CHN2: variants seen among roughly 807,000 people sequenced by gnomAD.
CHN2 encodes the protein chimerin 2.
In CHN2, 35 loss-of-function variants were observed where a neutral mutation model predicts 56.3. The ratio of observed to expected loss-of-function variants is 0.62; its 90% CI spans 0.47 to 0.82. The LOEUF (loss-of-function observed/expected upper bound fraction) is 0.82. Among genes scored for constraint, CHN2 ranks in the 40% least tolerant of loss-of-function variants. CHN2 has a pLI of 0.00. For synonymous variants in CHN2, 210 were observed against 212.8 expected, an observed-to-expected ratio of 0.99 and a Z score of 0.12; for missense variants, 491 against 580.5, an observed-to-expected ratio of 0.85 and a Z score of 1.58.
chr7:29,376,083 C>T (rs750689960), intron 3 of CHN2, among the ~76,000 whole-genome samples: 1 of 152,134 alleles, frequency 6.6e-6, no homozygotes. Flanking sequence ...GAGGCTTGGA[C>T]GTAGATTTCT....
chr7:29,219,230 A>C (rs904232973), intron 1 of CHN2, among the ~76,000 whole-genome samples: 10 of 152,110 alleles, frequency 6.6e-5, no homozygotes, highest in Non-Finnish European at 1.3e-4. Flanking sequence ...ACTGTGTAGG[A>C]AGCTGCTTAG....
chr7:29,239,211 G>A (rs961115276), intron 1 of CHN2, among the ~76,000 whole-genome samples: 1 of 152,128 alleles, frequency 6.6e-6, no homozygotes, highest in Non-Finnish European at 1.5e-5. Context: ...TGAATTTTGA[G>A]GGGTTTGAAG....
chr7:29,379,547 A>G (rs1490710804), intron 3 of CHN2, among the ~76,000 whole-genome samples: 1 of 152,256 alleles, frequency 6.6e-6, no homozygotes, highest in Non-Finnish European at 1.5e-5. Context: ...AAAAATATAT[A>G]TGCTGTAAAG....
In CHN2 at chr7:29,268,542, G is replaced by A. The variant is rs929411716; in HGVS notation, c.49+73552G>A. 2.8e-5 allele frequency among the ~76,000 whole-genome samples: 4 copies of A among 144,178 alleles called. No individual in the cohort carries two copies. In the East Asian group the frequency reaches 7.7e-4, roughly 28 times the overall value. The allele number at this position is 144,178 out of a possible 152,430, so 94.6% of individuals were successfully genotyped here. On this transcript the variant is annotated intron_variant, in intron 1 of 12. Transcript: ENST00000222792. The stretch of plus-strand genomic sequence containing the variant: ...CTCAGGGAAGGCTTTTCCAGATGTG[G>A]AATGCACGGATGCTTCTGCACCAAT...
intron 1 of CHN2, among the ~76,000 whole-genome samples, chr7:29,314,484 C>T (rs767267022): frequency 5.3e-5 from 8 of 152,122 alleles, no homozygotes; most frequent in Non-Finnish European, 1.2e-4. Flanking sequence ...ATGTACCTAA[C>T]GCTACTGAAC....
At position 29,369,427 on chromosome 7, in the gene CHN2, A is replaced by G. The variant is rs76995722; in HGVS notation, c.144+1440A>G. Among the ~76,000 whole-genome samples, 39 of 152,348 alleles carry G rather than the reference A, an allele frequency of 2.6e-4. No individual in the cohort carries two copies. The East Asian group carries it at 6.6e-3, about 26-fold the overall frequency. ...TTATCTGTTTATTCTGTAAATATAT[A>G]TGGAGAGCCTACTGTATTTCAGCTC... On this transcript the variant is annotated intron_variant, in intron 3 of 12. Transcript: ENST00000222792.
chr7:29,238,752 A>C (rs1219952351), intron 1 of CHN2, among the ~76,000 whole-genome samples: 1 of 152,214 alleles, frequency 6.6e-6, no homozygotes, highest in Non-Finnish European at 1.5e-5. Context: ...GCCTAAATTA[A>C]ATGAGGGGAC....
chr7:29,245,761 A>C (rs1392389618), intron 1 of CHN2, among the ~76,000 whole-genome samples: 1 of 152,092 alleles, frequency 6.6e-6, no homozygotes, highest in Non-Finnish European at 1.5e-5. Context: ...GGACTAGCAG[A>C]ACCCTGTGCA....
chr7:29,167,045 G>A (rs1054362375), intron 2 of CHN2, among the ~76,000 whole-genome samples: 1 of 152,012 alleles, frequency 6.6e-6, no homozygotes, highest in Non-Finnish European at 1.5e-5. Flanking sequence ...TAATAACAAA[G>A]TGAACAATGT....
chr7:29,204,770 T>C (rs1167046313), intron 1 of CHN2, among the ~76,000 whole-genome samples: 2 of 152,210 alleles, frequency 1.3e-5, no homozygotes, highest in Non-Finnish European at 2.9e-5. Context: ...GCCCGAGTCC[T>C]ATGCTTGCTT....
chr7:29,147,056 C>A, intron 2 of CHN2: 2 of 1,494,660 alleles, frequency 1.3e-6, no homozygotes, highest in Non-Finnish European at 1.8e-6. Context: ...TACCATTATA[C>A]CCATTTTGCA....
rs188491727 is a variant in CHN2 at position 29,266,634 on chromosome 7, G to A, written c.49+71644G>A. 4.2e-4 allele frequency among the ~76,000 whole-genome samples: 64 copies of A among 152,290 alleles called. 2 individuals carry two copies. Among genetic ancestry groups the A allele is most frequent in the African/African-American group, 1.2e-3 (49 of 41,576 alleles). ...GCAGGCATGACCCCATTTGACAGTC[G>A]AGGGAACTGAGATTTGGAAAGGACT... On this transcript the variant is annotated intron_variant, in intron 1 of 12. Transcript: ENST00000222792.
At chr7:29,489,389 T>C (rs181019633) in intron 7 of CHN2, among the ~76,000 whole-genome samples, 5 of 152,364 alleles carry the variant, frequency 3.3e-5, no homozygotes, top group African/African-American at 1.2e-4. Flanking sequence ...TAAAAAGATA[T>C]TCTTGCAAAT....
At chr7:29,410,370 T>A (rs1803089936) in intron 6 of CHN2, among the ~76,000 whole-genome samples, 1 of 152,136 alleles carries the variant, frequency 6.6e-6, no homozygotes, top group South Asian at 2.1e-4. Context: ...GTTTGTTTAT[T>A]AGTCTAGGTG....
chr7:29,374,194 A>G (rs1799844643), intron 3 of CHN2, among the ~76,000 whole-genome samples: 1 of 151,992 alleles, frequency 6.6e-6, no homozygotes, highest in East Asian at 1.9e-4. Context: ...GGACTTTCCC[A>G]TCATTATTCC....
chr7:29,467,537 A>G (rs866170847), intron 6 of CHN2, among the ~76,000 whole-genome samples: 1 of 152,252 alleles, frequency 6.6e-6, no homozygotes. Context: ...GTTTGCAGAC[A>G]CACGCATTTA....
At chr7:29,379,788 G>A (rs988750477) in intron 3 of CHN2, among the ~76,000 whole-genome samples, 5 of 152,130 alleles carry the variant, frequency 3.3e-5, no homozygotes, top group African/African-American at 4.8e-5. Context: ...GAGAGCTGTC[G>A]AAAACACTAT....
chr7:29,192,929 A>G (rs1783080836), upstream of CHN2: 2 of 152,350 alleles, frequency 1.3e-5, no homozygotes, highest in African/African-American at 4.8e-5. Context: ...TTTCTATCAG[A>G]AGAACTCTGG....
At chr7:29,223,743 A>T (rs1169183154) in intron 1 of CHN2, among the ~76,000 whole-genome samples, 3 of 152,160 alleles carry the variant, frequency 2.0e-5, no homozygotes, top group Admixed American at 1.3e-4. Context: ...ATTCTTATAT[A>T]TGCACATATG....
Sources: allele counts gnomAD v4.1 joint callset (sites outside exome capture counted in the v4.1 genomes callset), GRCh38; gene constraint gnomAD v4.1.1; transcripts MANE v1.5; gene names NCBI Gene and HGNC (gene_info 2026-07-23, HGNC 2026-07-21).